The following KLHL2 variants were observed in gnomAD, a reference collection of about 807,000 sequenced individuals.
KLHL2 encodes the protein kelch-like protein 2.
In KLHL2, 15 loss-of-function variants were observed where a neutral mutation model predicts 75.8. That is an observed-to-expected ratio of 0.20 (90% CI 0.13 to 0.30). The LOEUF is 0.30. Among genes scored for constraint, KLHL2 ranks in the 10% least tolerant of loss-of-function variants. KLHL2 has a pLI of 1.00. For missense variants in KLHL2, 381 were observed against 741.0 expected (o/e 0.51, Z 5.64); for synonymous variants, 214 against 251.9 (o/e 0.85, Z 1.42).
In KLHL2 at chr4:165,218,222, C is replaced by T. The variant is rs186718045; in HGVS notation, c.27-1712C>T. 3.3e-3 allele frequency among the ~76,000 whole-genome samples: 509 copies of T among 152,246 alleles called. 7 individuals are homozygous for T. Among genetic ancestry groups the T allele is most frequent in the Admixed American group, 0.029 (443 of 15,290 alleles). ...AAAGTGGTCTTTGGAAAACGTAAGTCGGATTGTATCACTCTTTTGCAGTGT... is the reference window on the plus strand; with the variant it reads ...AAAGTGGTCTTTGGAAAACGTAAGTTGGATTGTATCACTCTTTTGCAGTGT... On this transcript the variant is annotated intron_variant, in intron 1 of 14. Transcript: ENST00000226725.
intron 4 of KLHL2, 54 bp downstream of exon 4, chr4:165,238,953 TA>T (rs1167819645): frequency 1.7e-5 from 27 of 1,562,370 alleles, no homozygotes; most frequent in Admixed American, 6.5e-5. Flanking sequence ...GTTTTTTTAA[TA>T]AAAAAAGCAC....
At chr4:165,286,887 C>T (rs1744136811) in intron 5 of KLHL2, among the ~76,000 whole-genome samples, 1 of 152,100 alleles carries the variant, frequency 6.6e-6, no homozygotes, top group Non-Finnish European at 1.5e-5. Context: ...CTTCCTTTCT[C>T]ACTGGGGAAG....
chr4:165,263,601 T>A (rs1394672535), intron 5 of KLHL2, among the ~76,000 whole-genome samples: 1 of 149,410 alleles, frequency 6.7e-6, no homozygotes, highest in East Asian at 2.0e-4. Context: ...AATAGCTAGG[T>A]TTTTTTGTTT....
chr4:165,295,390 G>A (rs1412964402), intron 6 of KLHL2, among the ~76,000 whole-genome samples: 2 of 152,150 alleles, frequency 1.3e-5, no homozygotes, highest in Non-Finnish European at 2.9e-5. Context: ...TATAATCTTA[G>A]CATCCTAGAA....
chr4:165,232,163 A>G (rs563249630), intron 3 of KLHL2, among the ~76,000 whole-genome samples: 1 of 152,162 alleles, frequency 6.6e-6, no homozygotes, highest in East Asian at 1.9e-4. Flanking sequence ...CAGAAATTAG[A>G]TAAGATAAAG....
intron 1 of KLHL2, chr4:165,209,877 T>C: frequency 1.8e-6 from 1 of 564,282 alleles, no homozygotes; most frequent in Non-Finnish European, 3.0e-6. Context: ...TTTGCCATTC[T>C]GTGGATCAGA....
chr4:165,225,036 G>A (rs1184713618), intron 2 of KLHL2, among the ~76,000 whole-genome samples: 2 of 152,186 alleles, frequency 1.3e-5, no homozygotes, highest in Non-Finnish European at 2.9e-5. Context: ...GGATGCCTTA[G>A]TATGTTCAGG....
intron 5 of KLHL2, among the ~76,000 whole-genome samples, chr4:165,291,083 A>G (rs1434219541): frequency 1.3e-5 from 2 of 152,204 alleles, no homozygotes; most frequent in Non-Finnish European, 2.9e-5. Context: ...ATGACATGTA[A>G]TATTGAGCAT....
intron 5 of KLHL2, chr4:165,279,443 A>G (rs778648614): frequency 1.1e-5 from 17 of 1,600,496 alleles, no homozygotes; most frequent in South Asian, 7.7e-5. Flanking sequence ...TGTTTTCTCT[A>G]TACACTCATA....
intron 3 of KLHL2, among the ~76,000 whole-genome samples, chr4:165,232,597 G>A (rs1738987864): frequency 6.6e-6 from 1 of 151,900 alleles, no homozygotes; most frequent in African/African-American, 2.4e-5. Flanking sequence ...GACTGAGCAT[G>A]GTCACACGTG....
At chr4:165,264,734 ATATATG>A (rs1376141403) in intron 5 of KLHL2, among the ~76,000 whole-genome samples, 903 of 82,054 alleles carry the variant, frequency 0.011, 42 homozygotes, top group East Asian at 0.026. Flanking sequence ...ATATATATAT[ATATATG>A]TATATATATA....
chr4:165,216,074 GTGT>G (rs1560974480), intron 1 of KLHL2, among the ~76,000 whole-genome samples: 1 of 152,136 alleles, frequency 6.6e-6, no homozygotes, highest in Non-Finnish European at 1.5e-5. Context: ...CATTTCTGTG[GTGT>G]TCTCAGAATT....
At position 165,305,625 on chromosome 4, in the gene KLHL2, G is replaced by A. The variant is rs1210256422; in HGVS notation, c.939G>A (p.Gly313=). ...MNLPKLMVVV[G]GQAPKAIRSV... ...CCTTGTAGTTGATGGTGGTGGTTGG[G>A]GGCCAAGCACCAAAGGCTATCCGGA... Residue 313 remains glycine, a synonymous_variant, in exon 9 of 15, where the codon GGG becomes GGA. Transcript: ENST00000226725. 5.0e-6 allele frequency: 8 copies of A among 1,613,744 alleles called. No individual in the cohort carries two copies. The highest frequency in any genetic ancestry group is 6.8e-6 in the Non-Finnish European group (8 of 1,179,728).
At position 165,238,906 on chromosome 4, in the gene KLHL2, G is replaced by A; in HGVS notation, c.381+7G>A. ...TACAGAAGAAAATGTACAGGTAAGA[G>A]TAAACACTTCACACCATCTAGCTTT... On this transcript the variant is annotated splice_region_variant and intron_variant, in intron 4 of 14. Transcript: ENST00000226725. The A allele has an allele frequency of 6.2e-7, 1 of 1,609,520 alleles. No individual in the cohort carries two copies. The highest frequency in any genetic ancestry group is 1.1e-5 in the South Asian group (1 of 90,152).
chr4:165,242,896 T>G (rs1739937354), intron 4 of KLHL2, among the ~76,000 whole-genome samples: 1 of 152,200 alleles, frequency 6.6e-6, no homozygotes, highest in Non-Finnish European at 1.5e-5. Flanking sequence ...TGAGTATATC[T>G]CTAGTTATAT....
intron 1 of KLHL2, among the ~76,000 whole-genome samples, chr4:165,208,264 A>G (rs1736970822): frequency 6.6e-6 from 1 of 152,138 alleles, no homozygotes; most frequent in Non-Finnish European, 1.5e-5. Context: ...AGATCAGGCT[A>G]GGATGCACTG....
At chr4:165,225,318 A>C (rs1738344539) in intron 2 of KLHL2, among the ~76,000 whole-genome samples, 1 of 152,178 alleles carries the variant, frequency 6.6e-6, no homozygotes, top group African/African-American at 2.4e-5. Flanking sequence ...GGTTCATTTT[A>C]TAATCACTTA....
chr4:165,207,795 C>T lies in KLHL2; in HGVS notation c.-82C>T, dbSNP rs990765423. On this transcript the variant is annotated 5_prime_UTR_variant, in exon 1 of 15. Transcript: ENST00000226725. The surrounding 1 kb of genome is among the most constrained non-coding windows in gnomAD (Gnocchi z 4.2). The stretch of plus-strand genomic sequence containing the variant: ...GGCGGATGGAACGCGGCTCGGCGGG[C>T]GGGCAGTGCCGGCGTCCGCGGCTGG... The T allele has an allele frequency of 4.8e-6, 6 of 1,242,896 alleles. No individual in the cohort carries two copies. The highest frequency in any genetic ancestry group is 2.8e-4 in the Middle Eastern group (1 of 3,522). The allele number at this position is 1,242,896 out of a possible 1,614,324, so 77.0% of individuals were successfully genotyped here.
intron 8 of KLHL2, 36 bp downstream of exon 8, chr4:165,299,692 G>T: frequency 6.5e-7 from 1 of 1,540,212 alleles, no homozygotes; most frequent in South Asian, 1.2e-5. Context: ...ATTACCTCAT[G>T]CAAAAGGCTT....
Sources: allele counts gnomAD v4.1 joint callset (sites outside exome capture counted in the v4.1 genomes callset), GRCh38; gene constraint gnomAD v4.1.1; non-coding constraint Gnocchi (gnomAD v3.1); transcripts MANE v1.5; gene names NCBI Gene and HGNC (gene_info 2026-07-23, HGNC 2026-07-21).